Variants in TSC2 observed in about 807,000 individuals in gnomAD.
The protein encoded by TSC2 is tuberin.
Under a neutral mutation model 202.2 loss-of-function variants are expected in TSC2, and 29 were observed. The observed-to-expected ratio is 0.14, with a 90% CI of 0.11 to 0.20. The LOEUF is 0.20. TSC2 is among the 10% of genes least tolerant of loss of function. The probability of loss-of-function intolerance (pLI) is 1.00; values close to 1 mark genes in which losing one functional copy is unlikely to be tolerated. For synonymous variants in TSC2, 1,349 were observed against 1,044.0 expected, an observed-to-expected ratio of 1.29 and a Z score of -5.63; for missense variants, 2,429 against 2,420.0, an observed-to-expected ratio of 1.00 and a Z score of -0.08.
chr16:2,053,632 C>T (rs1228945281), intron 4 of TSC2, 180 bp downstream of exon 4: 12 of 704,162 alleles, frequency 1.7e-5, no homozygotes, highest in South Asian at 6.0e-5. Context: ...TCTGTGTGAC[C>T]GTAGGCACTG....
Position 2,088,863 on chromosome 16 carries a change from ACTCGCGCGTGCGCGCGCG to A in TSC2, c.*255_*272del, listed in dbSNP as rs1156318445. Reference sequence around the variant, plus strand: ...TGAGGCTGCCTGGGCCATACAGCACACTCGCGCGTGCGCGCGCGCACACACACACACACACAGTCACCT... The same window carrying A: ...TGAGGCTGCCTGGGCCATACAGCACACACACACACACACACACAGTCACCT... On this transcript the variant is annotated 3_prime_UTR_variant, in exon 42 of 42. Transcript: ENST00000219476. The A allele has an allele frequency of 1.0e-3, 565 of 542,314 alleles. No individual in the cohort carries two copies. The highest frequency in any genetic ancestry group is 1.6e-3 in the Non-Finnish European group (489 of 307,442). The allele number at this position is 542,314 out of a possible 1,614,324, so 33.6% of individuals were successfully genotyped here. A position where few individuals can be genotyped will look rare whatever the true frequency, so the allele number is the denominator to read the frequency against.
Position 2,063,003 on chromosome 16 carries a change from G to A in TSC2, c.1393G>A (p.Val465Met), listed in dbSNP as rs758874054. Residue 465 changes from valine (V) to methionine (M), a missense_variant, in exon 14 of 42, where the codon GTG becomes ATG. Val to Met is a conservative substitution (Grantham distance 21). Transcript: ENST00000219476. ...GTCCCGAGGCGCCGTGCGCATCAAG[G>A]TGCTGGACGTGCTGTCCTTTGTGCT... is the stretch of plus-strand genomic sequence containing the variant. ...SESRGAVRIK[V>M]LDVLSFVLLI... 2 of 1,551,396 alleles carry A rather than the reference G, an allele frequency of 1.3e-6. No individual in the cohort carries two copies. Among genetic ancestry groups the A allele is most frequent in the South Asian group, 1.2e-5 (1 of 84,062 alleles).
At chr16:2,054,755 C>G (rs1317119485) in intron 5 of TSC2, 1 of 473,344 alleles carries the variant, frequency 2.1e-6, no homozygotes, top group Non-Finnish European at 3.9e-6. Context: ...CTGACTTGGT[C>G]TCAACCGGAG....
intron 32 of TSC2, 182 bp from the exon 33 acceptor site, chr16:2,083,513 A>C: frequency 9.6e-7 from 1 of 1,038,218 alleles, no homozygotes; most frequent in Non-Finnish European, 1.4e-6. Flanking sequence ...TGTCGGGGTC[A>C]CGTGCAGGCC....
At chr16:2,081,461 G>A (rs945588667) in intron 30 of TSC2, 134 bp from the exon 31 acceptor site, 34 of 1,195,298 alleles carry the variant, frequency 2.8e-5, no homozygotes, top group African/African-American at 2.4e-4. Context: ...CGCTGGCTCC[G>A]ACATCGTGGT....
intron 31 of TSC2, 162 bp downstream of exon 31, chr16:2,081,960 C>A: frequency 9.5e-7 from 1 of 1,050,804 alleles, no homozygotes; most frequent in East Asian, 2.6e-5. Flanking sequence ...AGGAGGCTGA[C>A]CCGTGGGAGG....
At chr16:2,078,669 C>T (rs79518513) in intron 26 of TSC2, 28,479 of 366,620 alleles carry the variant, frequency 0.078, 1,483 homozygotes, top group Middle Eastern at 0.15. Context: ...AGGCAGCCTG[C>T]GGGCAGAATG....
intron 4 of TSC2, chr16:2,053,887 T>C (rs2085436690): frequency 8.7e-6 from 4 of 459,138 alleles, no homozygotes; most frequent in Admixed American, 2.5e-5. Flanking sequence ...GTCGGCCACT[T>C]CTACTCCTTC....
chr16:2,085,052 T>C (rs374377457), intron 35 of TSC2, 26 bp downstream of exon 35: 1 of 1,611,242 alleles, frequency 6.2e-7, no homozygotes, highest in Non-Finnish European at 8.5e-7. Context: ...CTCTCCTGCA[T>C]CCGCTGGAGC....
chr16:2,066,709 G>A (rs1181862735), intron 16 of TSC2, among the ~76,000 whole-genome samples: 2 of 142,998 alleles, frequency 1.4e-5, no homozygotes, highest in African/African-American at 2.6e-5. Flanking sequence ...AGGCTGGAGT[G>A]GAGTGCAGTG....
At position 2,079,944 on chromosome 16, in the gene TSC2, C is replaced by T. The variant is rs919752141; in HGVS notation, c.3398-221C>T. ...GTCCTGGAGCCCTTCTCTGCTCCAG[C>T]GAGCCGTGGTCTGACTGCAGGACAG... is the stretch of plus-strand genomic sequence containing the variant. On this transcript the variant is annotated intron_variant, in intron 29 of 41. Coordinates refer to ENST00000219476, the MANE Select transcript of TSC2 (RefSeq NM_000548.5). The surrounding 1 kb of genome is among the most constrained non-coding windows in gnomAD (Gnocchi z 4.6). Among the ~76,000 whole-genome samples the T allele has an allele frequency of 7.8e-4, 118 of 152,196 alleles. 1 individual carries two copies. Among genetic ancestry groups the T allele is most frequent in the African/African-American group, 2.6e-3 (109 of 41,452 alleles).
intron 26 of TSC2, among the ~76,000 whole-genome samples, 165 bp downstream of exon 26, chr16:2,077,891 C>T (rs1016948046): frequency 8.5e-5 from 13 of 152,252 alleles, no homozygotes; most frequent in African/African-American, 1.4e-4. Flanking sequence ...GCATTCTGTC[C>T]CCAGGCCCCG....
intron 3 of TSC2, among the ~76,000 whole-genome samples, chr16:2,051,866 AC>A (rs1256677330): frequency 1.3e-5 from 2 of 152,132 alleles, no homozygotes; most frequent in African/African-American, 4.8e-5. Flanking sequence ...GGAGTTCGAG[AC>A]CCGCCTGGCC....
chr16:2,088,975 G>A lies in TSC2; in HGVS notation c.*365G>A, dbSNP rs1596467715. 2 of 306,972 alleles carry A rather than the reference G, an allele frequency of 6.5e-6. No individual in the cohort carries two copies. Among genetic ancestry groups the A allele is most frequent in the East Asian group, 1.4e-4 (2 of 14,182 alleles). 19.0% of individuals were successfully genotyped at this position (306,972 alleles called of 1,614,324 possible). A position where few individuals can be genotyped will look rare whatever the true frequency, so the allele number is the denominator to read the frequency against. ...TAACCACCCTGGGGTCCTCTGACAT[G>A]CCTAGTCCTGCTACTTGCCCAGACC... On this transcript the variant is annotated 3_prime_UTR_variant, in exon 42 of 42. Transcript: ENST00000219476.
Position 2,075,779 on chromosome 16 carries a change from C to CAGGGT in TSC2, c.2546-19_2546-18insGGGTA. The CAGGGT allele has an allele frequency of 1.2e-6, 2 of 1,611,484 alleles. No individual in the cohort carries two copies. Among genetic ancestry groups the CAGGGT allele is most frequent in the Non-Finnish European group, 1.7e-6 (2 of 1,179,784 alleles). ...TGCACGGGACCCCGGCTCCCCTGAC[C>CAGGGT]ACCCTCTCCATTACCGCAGCTCTGG... On this transcript the variant is annotated intron_variant, in intron 22 of 41. Coordinates refer to ENST00000219476, the MANE Select transcript of TSC2 (RefSeq NM_000548.5).
chr16:2,080,503 A>G lies in TSC2; in HGVS notation c.3610+126A>G. ...GGGGGTAACTTTTGTTTTTTTTTTG[A>G]GACAGAGTCTTGCTCTGTGGCCCAC... On this transcript the variant is annotated intron_variant, in intron 30 of 41. Coordinates refer to ENST00000219476, the MANE Select transcript of TSC2 (RefSeq NM_000548.5). The G allele has an allele frequency of 2.7e-6, 3 of 1,096,272 alleles. No individual in the cohort carries two copies. The South Asian group carries it at 4.7e-5, about 17-fold the overall frequency. The allele number at this position is 1,096,272 out of a possible 1,614,324, so 67.9% of individuals were successfully genotyped here.
At chr16:2,078,284 G>C (rs953153463) in intron 26 of TSC2, 1 of 164,918 alleles carries the variant, frequency 6.1e-6, no homozygotes, top group Non-Finnish European at 1.3e-5. Context: ...TCGGGCTCTC[G>C]GCTGTCACCT....
At chr16:2,062,704 C>T in intron 13 of TSC2, 104 bp downstream of exon 13, 1 of 1,253,536 alleles carries the variant, frequency 8.0e-7, no homozygotes. Context: ...GCAGGGCCCT[C>T]CCCTCTGCCT....
At chr16:2,081,908 G>A in intron 31 of TSC2, 110 bp downstream of exon 31, 1 of 1,421,526 alleles carries the variant, frequency 7.0e-7, no homozygotes, top group Admixed American at 2.0e-5. Flanking sequence ...GCTGGGAGTG[G>A]TCCCTGGCCT....
Sources: allele counts gnomAD v4.1 joint callset (sites outside exome capture counted in the v4.1 genomes callset), GRCh38; gene constraint gnomAD v4.1.1; non-coding constraint Gnocchi (gnomAD v3.1); transcripts MANE v1.5; gene names NCBI Gene and HGNC (gene_info 2026-07-23, HGNC 2026-07-21).